ATP8A1: variants seen among roughly 807,000 people sequenced by gnomAD.
ATP8A1 encodes the protein phospholipid-transporting ATPase IA.
Under a neutral mutation model 177.7 loss-of-function variants are expected in ATP8A1, and 90 were observed. The observed-to-expected ratio is 0.51, with a 90% CI of 0.43 to 0.60. ATP8A1 has a LOEUF of 0.60. ATP8A1 is among the 20% of genes least tolerant of loss of function. ATP8A1 has a pLI of 0.00. For missense variants in ATP8A1, 1,072 were observed against 1,392.8 expected (o/e 0.77, Z 3.67); for synonymous variants, 493 against 485.9 (o/e 1.01, Z -0.19).
rs1712625337 is a variant in ATP8A1 at position 42,411,691 on chromosome 4, C to G, written c.*1225G>C. 1 of 152,194 alleles carries G rather than the reference C, an allele frequency of 6.6e-6. No individual in the cohort carries two copies. The highest frequency in any genetic ancestry group is 1.5e-5 in the Non-Finnish European group (1 of 68,030). The allele number at this position is 152,194 out of a possible 1,614,324, so 9.4% of individuals were successfully genotyped here. On this transcript the variant is annotated 3_prime_UTR_variant, in exon 37 of 37. Coordinates refer to ENST00000381668, the MANE Select transcript of ATP8A1 (RefSeq NM_006095.2). Reference sequence around the variant, plus strand: ...AAGCTACTCATGATGAACGTGTCCTCTGACTGTAAAGTTACCGGCCTGAGT... The same window carrying G: ...AAGCTACTCATGATGAACGTGTCCTGTGACTGTAAAGTTACCGGCCTGAGT...
At chr4:42,494,471 T>C (rs1723068132) in intron 24 of ATP8A1, among the ~76,000 whole-genome samples, 2 of 152,186 alleles carry the variant, frequency 1.3e-5, no homozygotes, top group South Asian at 4.1e-4. Context: ...TGAGACTCCA[T>C]CTCATGTGAC....
At position 42,542,443 on chromosome 4, in the gene ATP8A1, ATTAT is replaced by A. The variant is rs561381229; in HGVS notation, c.1722+1470_1722+1473del. 9.8e-4 allele frequency among the ~76,000 whole-genome samples: 149 copies of A among 152,150 alleles called. 1 individual carries two copies. Among genetic ancestry groups the A allele is most frequent in the African/African-American group, 3.3e-3 (138 of 41,518 alleles). ...TTAAAGGCTCTCTTTTTTAAAAAAA[ATTAT>A]TTATTTATTATTATACTTTAAGTTC... On this transcript the variant is annotated intron_variant, in intron 20 of 36. Transcript: ENST00000381668.
intron 11 of ATP8A1, among the ~76,000 whole-genome samples, chr4:42,579,026 T>A (rs772663088): frequency 5.9e-5 from 9 of 152,082 alleles, no homozygotes; most frequent in African/African-American, 9.6e-5. Flanking sequence ...ATAAAAAAAA[T>A]TTAAAAATAC....
In ATP8A1 at chr4:42,627,062, G is replaced by C. The variant is rs1738182643; in HGVS notation, c.97C>G (p.Gln33Glu). ...DVSEKTSLAD[Q>E]EEVRTIFINQ... ...ATGAAAATAGTCCTTACTTCCTCCT[G>C]GTCAGCCAGTGAGGTCTTCTCTGAA... is the stretch of plus-strand genomic sequence containing the variant. The change falls in exon 2 of 37, where the codon CAG (glutamine) becomes GAG (glutamate). Residue 33 changes from glutamine to glutamate, a missense_variant. Transcript: ENST00000381668. 6.2e-7 allele frequency: 1 copy of C among 1,613,988 alleles called. No homozygotes were observed. The highest frequency in any genetic ancestry group is 1.7e-4 in the Middle Eastern group (1 of 6,058).
At chr4:42,461,878 T>C (rs998185322) in intron 27 of ATP8A1, among the ~76,000 whole-genome samples, 1 of 152,120 alleles carries the variant, frequency 6.6e-6, no homozygotes, top group African/African-American at 2.4e-5. Flanking sequence ...CTGAGGTGGT[T>C]TCAGATGGAG....
intron 33 of ATP8A1, among the ~76,000 whole-genome samples, chr4:42,431,025 T>A (rs1715234895): frequency 1.3e-5 from 2 of 152,066 alleles, no homozygotes. Context: ...TAGACTTATG[T>A]TTGTATGTTT....
At chr4:42,463,293 G>A (rs1421246345) in intron 27 of ATP8A1, among the ~76,000 whole-genome samples, 1 of 152,160 alleles carries the variant, frequency 6.6e-6, no homozygotes, top group Non-Finnish European at 1.5e-5. Context: ...ATTGAATCAT[G>A]GGGGCAAGTC....
rs1719232988 is a variant in ATP8A1, at chr4:42,462,123, T to G, written c.2619+2567A>C. ...GCAGAGCATAAAAGTTCAAAAAATTTGCAGCCTGACAATGCAATAGAAAAG... is the reference window on the plus strand; with the variant it reads ...GCAGAGCATAAAAGTTCAAAAAATTGGCAGCCTGACAATGCAATAGAAAAG... On this transcript the variant is annotated intron_variant, in intron 27 of 36. Transcript: ENST00000381668. Among the ~76,000 whole-genome samples the G allele has an allele frequency of 2.0e-5, 3 of 152,204 alleles. No individual in the cohort carries two copies. The South Asian group carries it at 6.2e-4, about 32-fold the overall frequency.
intron 19 of ATP8A1, among the ~76,000 whole-genome samples, chr4:42,546,593 A>G (rs969160570): frequency 6.6e-6 from 1 of 151,364 alleles, no homozygotes; most frequent in Non-Finnish European, 1.5e-5. Flanking sequence ...AAAAAAAAAA[A>G]AACAAAAAAA....
At chr4:42,493,486 C>T (rs1722933416) in intron 24 of ATP8A1, among the ~76,000 whole-genome samples, 1 of 152,142 alleles carries the variant, frequency 6.6e-6, no homozygotes, top group Non-Finnish European at 1.5e-5. Context: ...GCTTAGAGTT[C>T]TACAAAGGAT....
intron 20 of ATP8A1, among the ~76,000 whole-genome samples, chr4:42,526,888 C>T (rs1726725813): frequency 6.6e-6 from 1 of 152,098 alleles, no homozygotes; most frequent in African/African-American, 2.4e-5. Flanking sequence ...GCTAAGGACT[C>T]TACCTGTAGT....
At chr4:42,467,367 GC>G (rs2153183931) in intron 25 of ATP8A1, among the ~76,000 whole-genome samples, 1 of 152,268 alleles carries the variant, frequency 6.6e-6, no homozygotes, top group South Asian at 2.1e-4. Context: ...GCTGCTACTA[GC>G]CAGAGCATCT....
chr4:42,593,878 A>AT (rs1033292727), intron 6 of ATP8A1, among the ~76,000 whole-genome samples: 12 of 152,002 alleles, frequency 7.9e-5, no homozygotes, highest in African/African-American at 2.7e-4. Flanking sequence ...TCATTCATCC[A>AT]TTTTTTTATA....
chr4:42,439,042 T>C lies in ATP8A1; in HGVS notation c.3123+4523A>G, dbSNP rs1343605556. Among the ~76,000 whole-genome samples the C allele has an allele frequency of 2.7e-5, 3 of 111,246 alleles. No homozygotes were observed. In the Admixed American group the frequency reaches 3.1e-4, roughly 12 times the overall value. 73.0% of individuals were successfully genotyped at this position (111,246 alleles called of 152,430 possible). ...TGCAAAGATGACCCAAGAATGTAAG[T>C]TGGAAATGACTATAAAGTCCTGATT... On this transcript the variant is annotated intron_variant, in intron 33 of 36. Transcript: ENST00000381668.
intron 1 of ATP8A1, among the ~76,000 whole-genome samples, chr4:42,627,366 T>C (rs1738222402): frequency 6.6e-6 from 1 of 152,206 alleles, no homozygotes; most frequent in African/African-American, 2.4e-5. Context: ...CCCCCGTAAG[T>C]GTTCAACTTC....
At chr4:42,505,927 T>G (rs1413974862) in intron 23 of ATP8A1, among the ~76,000 whole-genome samples, 3 of 151,598 alleles carry the variant, frequency 2.0e-5, no homozygotes. Flanking sequence ...GTGAAAAAAC[T>G]TTTTTTTTCT....
chr4:42,511,237 T>TA (rs1329459251), intron 22 of ATP8A1, among the ~76,000 whole-genome samples: 1 of 152,190 alleles, frequency 6.6e-6, no homozygotes, highest in African/African-American at 2.4e-5. Context: ...TTGTTAGCTA[T>TA]ATAATGATCA....
chr4:42,415,465 TAA>T (rs1160690812), intron 35 of ATP8A1, among the ~76,000 whole-genome samples: 3 of 134,454 alleles, frequency 2.2e-5, no homozygotes, highest in African/African-American at 7.7e-5. Flanking sequence ...CAACTTCCCA[TAA>T]AAGTGTCTCA....
intron 1 of ATP8A1, among the ~76,000 whole-genome samples, chr4:42,643,278 A>G (rs1284327570): frequency 6.6e-6 from 1 of 152,230 alleles, no homozygotes. Flanking sequence ...GAAACAGAAG[A>G]TGGAAATTCT....
Sources: allele counts gnomAD v4.1 joint callset (sites outside exome capture counted in the v4.1 genomes callset), GRCh38; gene constraint gnomAD v4.1.1; transcripts MANE v1.5; gene names NCBI Gene and HGNC (gene_info 2026-07-23, HGNC 2026-07-21).